Variants in VWA3B observed in about 807,000 individuals in gnomAD.
The protein encoded by VWA3B is von Willebrand factor A domain containing 3B, also known as von Willebrand factor A domain-containing protein 3B.
A neutral mutation model predicts 158.3 loss-of-function variants in VWA3B; 138 were observed. That is an observed-to-expected ratio of 0.87 (90% confidence interval 0.76 to 1.00). The LOEUF (loss-of-function observed/expected upper bound fraction) is 1.00. VWA3B is among the 50% of genes least tolerant of loss of function. The pLI is 0.00. For missense variants in VWA3B, 1,555 were observed against 1,565.1 expected (o/e 0.99, Z 0.11); for synonymous variants, 596 against 587.3 (o/e 1.01, Z -0.21).
At chr2:98,180,519 G>A (rs965419722) in intron 8 of VWA3B, among the ~76,000 whole-genome samples, 2 of 152,220 alleles carry the variant, frequency 1.3e-5, no homozygotes, top group African/African-American at 4.8e-5. Flanking sequence ...CTGGATTGCT[G>A]CAGTTTACCT....
chr2:98,141,271 G>A (rs1235144181), intron 7 of VWA3B, among the ~76,000 whole-genome samples: 4 of 152,202 alleles, frequency 2.6e-5, no homozygotes, highest in African/African-American at 7.2e-5. Context: ...AGGAACACCT[G>A]AGGCTGGGTA....
At chr2:98,203,293 T>C (rs1345487024) in intron 12 of VWA3B, among the ~76,000 whole-genome samples, 1 of 152,254 alleles carries the variant, frequency 6.6e-6, no homozygotes, top group Admixed American at 6.5e-5. Flanking sequence ...TTGTTATATG[T>C]GTTAATGTCT....
chr2:98,177,846 A>C (rs1680141911), intron 8 of VWA3B, among the ~76,000 whole-genome samples: 1 of 152,164 alleles, frequency 6.6e-6, no homozygotes, highest in African/African-American at 2.4e-5. Context: ...TTGAATTTAT[A>C]CTTGATAGAG....
intron 9 of VWA3B, among the ~76,000 whole-genome samples, chr2:98,185,810 T>A (rs1249753533): frequency 6.6e-6 from 1 of 152,236 alleles, no homozygotes; most frequent in Non-Finnish European, 1.5e-5. Flanking sequence ...CAGCCTCCTG[T>A]TGCCCTTGTT....
At chr2:98,319,201 A>G in the VWA3B span, among the ~76,000 whole-genome samples, 3 of 152,168 alleles carry the variant, frequency 2.0e-5, no homozygotes, top group Non-Finnish European at 4.4e-5. Context: ...TACAAGAATA[A>G]ACTCCAAATG....
intron 7 of VWA3B, among the ~76,000 whole-genome samples, chr2:98,160,671 C>A (rs1407598379): frequency 2.0e-5 from 3 of 152,234 alleles, no homozygotes; most frequent in African/African-American, 7.2e-5. Flanking sequence ...CACCTCCAGG[C>A]TGAAGCAAGC....
chr2:98,197,053 A>G (rs1377226093), intron 12 of VWA3B, among the ~76,000 whole-genome samples: 1 of 152,122 alleles, frequency 6.6e-6, no homozygotes, highest in Admixed American at 6.5e-5. Context: ...ATGTTCCAAG[A>G]TCCAGCCAAG....
chr2:98,100,258 C>A (rs1573755395), intron 2 of VWA3B, among the ~76,000 whole-genome samples: 2 of 152,344 alleles, frequency 1.3e-5, no homozygotes, highest in East Asian at 3.9e-4. Flanking sequence ...GGCAAGTCTT[C>A]TGGTGTGGTC....
chr2:98,266,010 T>C (rs1400399230), intron 21 of VWA3B, among the ~76,000 whole-genome samples: 2 of 146,448 alleles, frequency 1.4e-5, no homozygotes, highest in Non-Finnish European at 3.0e-5. Context: ...TTCACTCTGA[T>C]GGTAGTTTCT....
intron 8 of VWA3B, among the ~76,000 whole-genome samples, chr2:98,163,582 T>C (rs540884541): frequency 6.6e-6 from 1 of 152,232 alleles, no homozygotes; most frequent in African/African-American, 2.4e-5. Flanking sequence ...AACAGATTCT[T>C]GACAAACTCT....
intron 8 of VWA3B, among the ~76,000 whole-genome samples, chr2:98,171,901 T>C (rs1467581099): frequency 6.6e-6 from 1 of 152,128 alleles, no homozygotes. Flanking sequence ...CCTTGCAGGA[T>C]GTGTGATGGG....
At chr2:98,298,431 TC>T (rs1558773779) in intron 24 of VWA3B, among the ~76,000 whole-genome samples, 3 of 129,738 alleles carry the variant, frequency 2.3e-5, no homozygotes, top group Non-Finnish European at 3.6e-5. Context: ...TCTATTCTAT[TC>T]TATTCTATTC....
chr2:98,252,505 C>T (rs1262076060), intron 20 of VWA3B, among the ~76,000 whole-genome samples: 2 of 152,082 alleles, frequency 1.3e-5, no homozygotes, highest in South Asian at 4.1e-4. Context: ...CGGGGGTTTC[C>T]TGCTTGGTTC....
intron 12 of VWA3B, among the ~76,000 whole-genome samples, chr2:98,203,340 A>G (rs1455376442): frequency 6.6e-6 from 1 of 152,270 alleles, no homozygotes; most frequent in African/African-American, 2.4e-5. Context: ...CTATAGCTGT[A>G]TAGTGAGCTT....
At position 98,312,195 on chromosome 2, in the gene VWA3B, C is replaced by T. The variant is rs766214459; in HGVS notation, c.3736-5C>T. The T allele has an allele frequency of 2.5e-6, 4 of 1,614,188 alleles. No homozygotes were observed. In the South Asian group the frequency reaches 4.4e-5, roughly 18 times the overall value. On this transcript the variant is annotated splice_polypyrimidine_tract_variant and splice_region_variant and intron_variant, in intron 27 of 27. Coordinates refer to ENST00000477737, the MANE Select transcript of VWA3B (RefSeq NM_144992.5). The stretch of plus-strand genomic sequence containing the variant: ...CTTAAGTAATGCTGAACTCTGCTTC[C>T]CCAGACAGCCCACCTCCACTTCCCC...
At chr2:98,145,710 T>C (rs1369593431) in intron 7 of VWA3B, among the ~76,000 whole-genome samples, 1 of 152,052 alleles carries the variant, frequency 6.6e-6, no homozygotes, top group African/African-American at 2.4e-5. Flanking sequence ...TGTGATTTTT[T>C]TTCCTCTTTC....
chr2:98,255,182 ATTTTTTTT>A (rs769708577), intron 20 of VWA3B, among the ~76,000 whole-genome samples: 3 of 52,140 alleles, frequency 5.8e-5, no homozygotes, highest in African/African-American at 7.1e-5. Context: ...CCCGGCTGAT[ATTTTTTTT>A]TTTTTTTTTT....
chr2:98,158,017 C>T (rs752633680), intron 7 of VWA3B, among the ~76,000 whole-genome samples: 7 of 152,070 alleles, frequency 4.6e-5, no homozygotes, highest in East Asian at 1.9e-4. Context: ...GAAATGACTT[C>T]GTGTTTTAAG....
rs372576852 is a variant in VWA3B, at chr2:98,188,168, G to A, written c.1466+39G>A. ...GCAGGAAGTTACAAGTGGTCTCCTC[G>A]CTCTGGACATTCTCATCTGCTTGAT... On this transcript the variant is annotated intron_variant, in intron 10 of 27. Transcript: ENST00000477737. 46 of 1,587,964 alleles carry A rather than the reference G, an allele frequency of 2.9e-5. No homozygotes were observed. The Middle Eastern group carries it at 7.5e-4, about 26-fold the overall frequency.
Sources: gnomAD v4.1 joint callset for allele counts (sites outside exome capture counted in the v4.1 genomes callset) on GRCh38, gnomAD v4.1.1 for gene constraint, MANE v1.5 for transcripts, NCBI Gene and HGNC (gene_info 2026-07-23, HGNC 2026-07-21) for gene names.